UGT2B17: variants seen among roughly 807,000 people sequenced by gnomAD.
UGT2B17 encodes UDP-glucuronosyltransferase 2B17.
A neutral mutation model predicts 48.2 loss-of-function variants in UGT2B17; 21 were observed. The ratio of observed to expected loss-of-function variants is 0.44; its 90% confidence interval spans 0.31 to 0.63. The LOEUF (loss-of-function observed/expected upper bound fraction) is 0.63. Among genes scored for constraint, UGT2B17 ranks in the 20% least tolerant of loss-of-function variants. The pLI is 0.08. For missense variants in UGT2B17, 402 were observed against 696.1 expected (o/e 0.58, Z 4.75); for synonymous variants, 146 against 238.4 (o/e 0.61, Z 3.57).
At chr4:68,560,911 G>T (rs1447363542) in intron 3 of UGT2B17, among the ~76,000 whole-genome samples, 1 of 125,314 alleles carries the variant, frequency 8.0e-6, no homozygotes, top group Admixed American at 8.2e-5. Context: ...AGGAAGAAAT[G>T]AAACAAAGCT....
In UGT2B17 at chr4:68,545,414, C is replaced by T. The variant is rs1308593144; in HGVS notation, c.1313+5263G>A. The stretch of plus-strand genomic sequence containing the variant: ...ACAACATACCAGAATCTCTGGGACG[C>T]ATTCAAAGCAGTGTGTAGATGGAAA... On this transcript the variant is annotated intron_variant, in intron 6 of 6. Transcript: ENST00000317746. Among the ~76,000 whole-genome samples the T allele has an allele frequency of 1.0e-4, 13 of 124,860 alleles. 1 individual carries two copies. Among genetic ancestry groups the T allele is most frequent in the African/African-American group, 3.6e-4 (13 of 36,370 alleles). 81.9% of individuals were successfully genotyped at this position (124,860 alleles called of 152,430 possible).
At chr4:68,561,840 C>T (rs527756030) in intron 3 of UGT2B17, among the ~76,000 whole-genome samples, 1 of 119,876 alleles carries the variant, frequency 8.3e-6, no homozygotes, top group African/African-American at 2.9e-5. Context: ...AATGTAGACT[C>T]ATAAGTTTCC....
intron 4 of UGT2B17, among the ~76,000 whole-genome samples, chr4:68,554,282 G>C (rs1457835711): frequency 1.6e-5 from 2 of 125,044 alleles, no homozygotes; most frequent in Non-Finnish European, 3.4e-5. Flanking sequence ...GAGAAAAGAA[G>C]AAGAATGATC....
At position 68,539,019 on chromosome 4, in the gene UGT2B17, T is replaced by C. The variant is rs548595334; in HGVS notation, c.1314-1115A>G. 3.3e-3 allele frequency among the ~76,000 whole-genome samples: 414 copies of C among 126,270 alleles called. 96 individuals carry two copies. Among genetic ancestry groups the C allele is most frequent in the Non-Finnish European group, 5.9e-3 (349 of 59,654 alleles). 82.8% of individuals were successfully genotyped at this position (126,270 alleles called of 152,430 possible). A position where few individuals can be genotyped will look rare whatever the true frequency, so the allele number is the denominator to read the frequency against. On this transcript the variant is annotated intron_variant, in intron 6 of 6. Transcript: ENST00000317746. ...GGCCACACTATAGGCACCCATAGGA[T>C]TTCTCTACTGCTTCGTTCTTATTTT...
chr4:68,558,607 A>T lies in UGT2B17; in HGVS notation c.1005+1930T>A, dbSNP rs1731047316. Among the ~76,000 whole-genome samples the T allele has an allele frequency of 1.6e-5, 2 of 126,072 alleles. 1 individual carries two copies. Among genetic ancestry groups the T allele is most frequent in the Non-Finnish European group, 3.4e-5 (2 of 59,414 alleles). 82.7% of individuals were successfully genotyped at this position (126,072 alleles called of 152,430 possible). On this transcript the variant is annotated intron_variant, in intron 4 of 6. Coordinates refer to ENST00000317746, the MANE Select transcript of UGT2B17 (RefSeq NM_001077.4). ...CCTCCCTTTATTTTGTCTTCACAGT[A>T]CATGAGACTTCAGAACCTGCTAAAA... is the stretch of plus-strand genomic sequence containing the variant.
Position 68,553,137 on chromosome 4 carries a change from T to G in UGT2B17, c.1006-1226A>C, listed in dbSNP as rs536439053. Among the ~76,000 whole-genome samples, 20 of 125,974 alleles carry G rather than the reference T, an allele frequency of 1.6e-4. 5 individuals are homozygous for G. The highest frequency in any genetic ancestry group is 5.1e-4 in the African/African-American group (19 of 36,954). 82.6% of individuals were successfully genotyped at this position (125,974 alleles called of 152,430 possible). ...ATCACATTTTTGGGAGTATTTTTTT[T>G]GTACATTCCAGTATTTCTCCCATCA... On this transcript the variant is annotated intron_variant, in intron 4 of 6. Transcript: ENST00000317746.
Position 68,573,534 on chromosome 4 carries a change from C to A in UGT2B17, c.-65+2417G>T, listed in dbSNP as rs1222882217. 1.6e-5 allele frequency among the ~76,000 whole-genome samples: 2 copies of A among 126,364 alleles called. 1 individual carries two copies. The highest frequency in any genetic ancestry group is 1.5e-3 in the East Asian group (2 of 1,316). The allele number at this position is 126,364 out of a possible 152,430, so 82.9% of individuals were successfully genotyped here. A position where few individuals can be genotyped will look rare whatever the true frequency, so the allele number is the denominator to read the frequency against. The stretch of plus-strand genomic sequence containing the variant: ...AATTGATCTGGTATTCCTTGCAGGG[C>A]TTCGATTGCATCTAAATAGATGTGA... On this transcript the variant is annotated intron_variant, in intron 1 of 6. Transcript: ENST00000317746.
rs759908304 is a variant in UGT2B17, at chr4:68,556,575, G to A, written c.1005+3962C>T. Reference sequence around the variant, plus strand: ...TCATTAATGTCAAAGACACACTAATGCAAGACCAACATATGGGCCCCTGTG... The same window carrying A: ...TCATTAATGTCAAAGACACACTAATACAAGACCAACATATGGGCCCCTGTG... On this transcript the variant is annotated intron_variant, in intron 4 of 6. Transcript: ENST00000317746. Among the ~76,000 whole-genome samples the A allele has an allele frequency of 4.0e-5, 5 of 125,804 alleles. 1 individual carries two copies. The South Asian group carries it at 1.1e-3, about 27-fold the overall frequency. The allele number at this position is 125,804 out of a possible 152,430, so 82.5% of individuals were successfully genotyped here.
In UGT2B17 at chr4:68,563,267, G is replaced by T. The variant is rs376499099; in HGVS notation, c.873+2305C>A. Reference sequence around the variant, plus strand: ...TTGTGTACAAAAGAATTAGAGAATCGGTTTCACAATTATTTACTTAGATTC... The same window carrying T: ...TTGTGTACAAAAGAATTAGAGAATCTGTTTCACAATTATTTACTTAGATTC... On this transcript the variant is annotated intron_variant, in intron 3 of 6. Coordinates refer to ENST00000317746, the MANE Select transcript of UGT2B17 (RefSeq NM_001077.4). Among the ~76,000 whole-genome samples the T allele has an allele frequency of 1.6e-5, 2 of 126,662 alleles. 1 individual carries two copies. The highest frequency in any genetic ancestry group is 7.3e-4 in the South Asian group (2 of 2,744). The allele number at this position is 126,662 out of a possible 152,430, so 83.1% of individuals were successfully genotyped here. A position where few individuals can be genotyped will look rare whatever the true frequency, so the allele number is the denominator to read the frequency against.
intron 2 of UGT2B17, among the ~76,000 whole-genome samples, chr4:68,566,439 A>T (rs1731203411): frequency 8.3e-6 from 1 of 120,214 alleles, no homozygotes; most frequent in African/African-American, 2.9e-5. Context: ...CCATGTGTCG[A>T]GGGAGGGACC....
At chr4:68,556,355 A>C (rs1731000819) in intron 4 of UGT2B17, among the ~76,000 whole-genome samples, 1 of 121,598 alleles carries the variant, frequency 8.2e-6, no homozygotes, top group African/African-American at 2.8e-5. Flanking sequence ...AAATAGTAAC[A>C]CTCTCCTTCA....
chr4:68,540,795 C>T (rs1164077840), intron 6 of UGT2B17, among the ~76,000 whole-genome samples: 1 of 125,152 alleles, frequency 8.0e-6, no homozygotes, highest in Non-Finnish European at 1.7e-5. Context: ...TACTCTCACT[C>T]CCATTCCATG....
intron 6 of UGT2B17, among the ~76,000 whole-genome samples, chr4:68,542,119 A>T (rs1181875412): frequency 7.9e-6 from 1 of 126,170 alleles, no homozygotes; most frequent in African/African-American, 2.7e-5. Context: ...CATTTATTAA[A>T]TAGGGAATCC....
At chr4:68,551,698 A>G in intron 5 of UGT2B17, 126 bp downstream of exon 5, 1 of 656,928 alleles carries the variant, frequency 1.5e-6, no homozygotes, top group Non-Finnish European at 2.1e-6. Context: ...AATATAAAGT[A>G]GTTAAATTTG....
rs1225472795 is a variant in UGT2B17, at chr4:68,567,538, G to T, written c.724+223C>A. On this transcript the variant is annotated intron_variant, in intron 2 of 6. Coordinates refer to ENST00000317746, the MANE Select transcript of UGT2B17 (RefSeq NM_001077.4). The stretch of plus-strand genomic sequence containing the variant: ...AAATCATAAGTGTTTTACATTGAAG[G>T]TTTATGACTCTCTTGGTGTCCTATA... Among the ~76,000 whole-genome samples, 4 of 125,562 alleles carry T rather than the reference G, an allele frequency of 3.2e-5. 1 individual carries two copies. Among genetic ancestry groups the T allele is most frequent in the Non-Finnish European group, 6.7e-5 (4 of 59,328 alleles). The allele number at this position is 125,562 out of a possible 152,430, so 82.4% of individuals were successfully genotyped here.
intron 5 of UGT2B17, among the ~76,000 whole-genome samples, chr4:68,551,195 G>T (rs1199393900): frequency 8.0e-6 from 1 of 124,912 alleles, no homozygotes; most frequent in Non-Finnish European, 1.7e-5. Flanking sequence ...ATTAAAATGT[G>T]CAAAAAAGAA....
rs1730851576 is a variant in UGT2B17 at position 68,548,090 on chromosome 4, G to T, written c.1313+2587C>A. ...CCATTACTGGGTATATACCCAAAGGGTTATAAATCATGCTTCTATAAAGAC... is the reference window on the plus strand; with the variant it reads ...CCATTACTGGGTATATACCCAAAGGTTTATAAATCATGCTTCTATAAAGAC... On this transcript the variant is annotated intron_variant, in intron 6 of 6. Transcript: ENST00000317746. Among the ~76,000 whole-genome samples, 3 of 126,586 alleles carry T rather than the reference G, an allele frequency of 2.4e-5. 1 individual carries two copies. The South Asian group carries it at 1.1e-3, about 45-fold the overall frequency. 83.0% of individuals were successfully genotyped at this position (126,586 alleles called of 152,430 possible). A position where few individuals can be genotyped will look rare whatever the true frequency, so the allele number is the denominator to read the frequency against.
At chr4:68,551,695 AG>A in intron 5 of UGT2B17, 128 bp downstream of exon 5, 1 of 643,524 alleles carries the variant, frequency 1.6e-6, no homozygotes, top group Non-Finnish European at 2.2e-6. Flanking sequence ...ATAAATATAA[AG>A]TAGTTAAATT....
chr4:68,542,433 G>T (rs540418813), intron 6 of UGT2B17, among the ~76,000 whole-genome samples: 1 of 126,290 alleles, frequency 7.9e-6, no homozygotes, highest in East Asian at 7.6e-4. Flanking sequence ...GATGGGAATA[G>T]CTTTGAATAT....
Sources: allele counts gnomAD v4.1 joint callset (sites outside exome capture counted in the v4.1 genomes callset), GRCh38; gene constraint gnomAD v4.1.1; transcripts MANE v1.5; gene names NCBI Gene and HGNC (gene_info 2026-07-23, HGNC 2026-07-21).